Variants in DNAH5 observed in about 807,000 individuals in gnomAD.
DNAH5 encodes the protein dynein axonemal heavy chain 5.
In DNAH5, 372 loss-of-function variants were observed where a neutral mutation model predicts 518.2. The observed-to-expected ratio is 0.72, with a 90% CI of 0.66 to 0.78. The LOEUF (loss-of-function observed/expected upper bound fraction) is 0.78, where lower values mean the gene tolerates loss of function less well. Ranked by LOEUF, DNAH5 falls within the 30% of genes least tolerant of loss-of-function variation. DNAH5 has a pLI of 0.00. For missense variants in DNAH5, 5,523 were observed against 5,687.0 expected (o/e 0.97, Z 0.93); for synonymous variants, 2,039 against 2,025.9 (o/e 1.01, Z -0.17).
At chr5:13,833,602 T>C (rs1763984532) in intron 35 of DNAH5, among the ~76,000 whole-genome samples, 1 of 152,086 alleles carries the variant, frequency 6.6e-6, no homozygotes, top group Non-Finnish European at 1.5e-5. Context: ...TGAGGGAGGT[T>C]AGGTGTCTTG....
In DNAH5 at chr5:13,751,112, T is replaced by G. The variant is rs1268684004; in HGVS notation, c.11177A>C (p.Gln3726Pro). 6.2e-7 allele frequency: 1 copy of G among 1,613,872 alleles called. No individual in the cohort carries two copies. The highest frequency in any genetic ancestry group is 8.5e-7 in the Non-Finnish European group (1 of 1,179,928). Residue 3726 changes from glutamine (Q) to proline (P), a missense_variant, in exon 65 of 79, where the codon CAG (glutamine) becomes CCG (proline). By Grantham distance (76) the Gln-to-Pro change is moderately conservative (BLOSUM62 -1). This residue lies in a region of DNAH5 where 5,121 missense variants were observed against 5,223.3 expected (regional missense o/e 0.98). Coordinates refer to ENST00000265104, the MANE Select transcript of DNAH5 (RefSeq NM_001369.3). ...FTVTMKGLED[Q>P]LLGRVILTEK... The stretch of plus-strand genomic sequence containing the variant: ...TGTGAGAATGACCCTCCCCAGTAAC[T>G]GATCTTCTAGACCTTTCATGGTGAC...
intron 12 of DNAH5, among the ~76,000 whole-genome samples, chr5:13,906,166 A>G (rs1034530022): frequency 2.0e-5 from 3 of 152,234 alleles, no homozygotes; most frequent in Non-Finnish European, 4.4e-5. Context: ...TTTGCCTGAT[A>G]TTACCACGGT....
chr5:13,830,831 G>A, intron 35 of DNAH5, 56 bp from the exon 36 acceptor site: 1 of 1,567,060 alleles, frequency 6.4e-7, no homozygotes, highest in Non-Finnish European at 8.8e-7. Context: ...AAATACTTCT[G>A]AGACATCACA....
intron 1 of DNAH5, 106 bp downstream of exon 1, chr5:13,944,273 ATTC>A (rs1779728271): frequency 9.5e-7 from 1 of 1,055,048 alleles, no homozygotes; most frequent in Admixed American, 1.7e-5. Context: ...TTTCTCGCAA[ATTC>A]ATCAGTGTGT....
At chr5:13,799,497 A>G (rs535162841) in intron 47 of DNAH5, among the ~76,000 whole-genome samples, 2 of 152,328 alleles carry the variant, frequency 1.3e-5, no homozygotes, top group South Asian at 2.1e-4. Context: ...CATCCCTATC[A>G]CCACTAAGCT....
chr5:13,913,953 G>C lies in DNAH5; in HGVS notation c.1326C>G (p.Tyr442Ter), dbSNP rs1291311803. ...GTTTTGTCTTGTGAAAGCAGAGCTG[G>C]TATTCCTTAAAATCAAAAGAAAAAT... ...ILSAIKLKQE[Y>*]QLCFHKTKQK... is the part of the protein sequence containing the mutation. The change falls in exon 11 of 79, where the codon TAC becomes TAG. Residue 442 changes from tyrosine (Y) to a stop codon, truncating the protein, a stop_gained. Coordinates refer to ENST00000265104, the MANE Select transcript of DNAH5 (RefSeq NM_001369.3). LOFTEE classifies it high-confidence loss of function. 1.9e-6 allele frequency: 3 copies of C among 1,612,646 alleles called. No homozygotes were observed. The highest frequency in any genetic ancestry group is 2.7e-5 in the African/African-American group (2 of 74,990).
At chr5:13,982,246 T>C (rs1192839863) in intron 1 of DNAH5, among the ~76,000 whole-genome samples, 2 of 152,274 alleles carry the variant, frequency 1.3e-5, no homozygotes, top group East Asian at 1.9e-4. Context: ...AGGAAATTAT[T>C]TGTTACACCC....
chr5:13,931,333 C>T (rs928504672), intron 1 of DNAH5, 89 bp from the exon 2 acceptor site: 13 of 1,544,720 alleles, frequency 8.4e-6, no homozygotes, highest in Admixed American at 6.7e-5. Context: ...GTTGTTTTTT[C>T]AAGTCTTAGG....
rs143451462 is a variant in DNAH5 at position 13,691,737 on chromosome 5, T to A, written c.*247A>T. On this transcript the variant is annotated 3_prime_UTR_variant, in exon 79 of 79. Coordinates refer to ENST00000265104, the MANE Select transcript of DNAH5 (RefSeq NM_001369.3). ...ACTACTGTGGATTTGAGGGCCACAC[T>A]TCATTAGGATGCTGTAAATTTACTT... 3 of 502,096 alleles carry A rather than the reference T, an allele frequency of 6.0e-6. No individual in the cohort carries two copies. In the Admixed American group the frequency reaches 9.9e-5, roughly 17 times the overall value. The allele number at this position is 502,096 out of a possible 1,614,324, so 31.1% of individuals were successfully genotyped here. A position where few individuals can be genotyped will look rare whatever the true frequency, so the allele number is the denominator to read the frequency against.
Position 13,815,856 on chromosome 5 carries a change from G to C in DNAH5, c.6989-1010C>G, listed in dbSNP as rs189436456. Among the ~76,000 whole-genome samples, 4 of 152,300 alleles carry C rather than the reference G, an allele frequency of 2.6e-5. No homozygotes were observed. In the East Asian group the frequency reaches 7.7e-4, roughly 29 times the overall value. ...GGAGATTAAAATGTGAAAGTCACCA[G>C]TTCAGAGATGGGATTTAAAGCTGTG... On this transcript the variant is annotated intron_variant, in intron 42 of 78. Coordinates refer to ENST00000265104, the MANE Select transcript of DNAH5 (RefSeq NM_001369.3).
chr5:13,739,362 A>G (rs1305777208), intron 65 of DNAH5, among the ~76,000 whole-genome samples: 1 of 152,106 alleles, frequency 6.6e-6, no homozygotes, highest in Non-Finnish European at 1.5e-5. Context: ...AGCATCTGGC[A>G]CTTCCCCTGC....
At chr5:13,692,795 CT>C (rs1740876800) in intron 78 of DNAH5, among the ~76,000 whole-genome samples, 1 of 152,312 alleles carries the variant, frequency 6.6e-6, no homozygotes, top group African/African-American at 2.4e-5. Flanking sequence ...TATGTCCATC[CT>C]TCAGAGATCC....
At chr5:13,963,248 C>G (rs1391514864) in intron 1 of DNAH5, among the ~76,000 whole-genome samples, 1 of 152,178 alleles carries the variant, frequency 6.6e-6, no homozygotes, top group Non-Finnish European at 1.5e-5. Flanking sequence ...ATATGGTCCT[C>G]CATGCCTCTT....
At chr5:13,714,713 G>A (rs1744060090) in intron 74 of DNAH5, 93 bp from the exon 75 acceptor site, 3 of 1,201,046 alleles carry the variant, frequency 2.5e-6, no homozygotes, top group Non-Finnish European at 2.4e-6. Context: ...TTCTATGAGG[G>A]TATGCATTTA....
At chr5:13,931,938 A>C (rs915876932) in intron 1 of DNAH5, 4 of 152,678 alleles carry the variant, frequency 2.6e-5, no homozygotes, top group African/African-American at 7.2e-5. Context: ...CATCCTGTGT[A>C]ATAGCTGCAA....
intron 30 of DNAH5, among the ~76,000 whole-genome samples, chr5:13,856,365 A>G (rs1767637193): frequency 6.6e-6 from 1 of 152,192 alleles, no homozygotes; most frequent in African/African-American, 2.4e-5. Flanking sequence ...GAATACTATA[A>G]ACACCTCTAT....
chr5:13,768,850 A>T, intron 58 of DNAH5, 110 bp downstream of exon 58: 1 of 1,237,156 alleles, frequency 8.1e-7, no homozygotes, highest in Non-Finnish European at 1.2e-6. Context: ...TCAAGTGGAT[A>T]GAGCTTTCAT....
chr5:13,976,710 T>TATATATATATATATATATATAC (rs780402172), intron 1 of DNAH5, among the ~76,000 whole-genome samples: 2 of 133,108 alleles, frequency 1.5e-5, no homozygotes, highest in East Asian at 4.7e-4. Flanking sequence ...TATATATATA[T>TATATATATATATATATATATAC]ACACACACAC....
At chr5:13,820,263 C>A (rs1223669320) in intron 41 of DNAH5, 83 bp downstream of exon 41, 1 of 1,375,204 alleles carries the variant, frequency 7.3e-7, no homozygotes, top group African/African-American at 1.4e-5. Flanking sequence ...ATTGTATCTG[C>A]CTGTGTATCC....
Sources: allele counts gnomAD v4.1 joint callset (sites outside exome capture counted in the v4.1 genomes callset), GRCh38; gene constraint gnomAD v4.1.1; regional missense constraint gnomAD v4.1.1; transcripts MANE v1.5; gene names NCBI Gene and HGNC (gene_info 2026-07-23, HGNC 2026-07-21).